NBEA: variants seen among roughly 807,000 people sequenced by gnomAD.
NBEA encodes neurobeachin, also known as lysosomal-trafficking regulator 2.
NBEA carries 44 observed loss-of-function variants against 343.4 expected under a neutral mutation model. That is an observed-to-expected ratio of 0.13 (90% CI 0.10 to 0.16). The LOEUF (loss-of-function observed/expected upper bound fraction) is 0.16. NBEA is among the 10% of genes least tolerant of loss of function. NBEA has a pLI of 1.00. For missense variants in NBEA, 2,555 were observed against 3,631.3 expected (o/e 0.70, Z 7.62); for synonymous variants, 1,175 against 1,238.7 (o/e 0.95, Z 1.08).
At chr13:35,252,928 AT>A (rs1238958567) in intron 34 of NBEA, among the ~76,000 whole-genome samples, 1 of 152,126 alleles carries the variant, frequency 6.6e-6, no homozygotes, top group Non-Finnish European at 1.5e-5. Context: ...CATTGAAGAC[AT>A]CCTCTCTACT....
intron 40 of NBEA, among the ~76,000 whole-genome samples, chr13:35,457,766 G>A (rs1435859774): frequency 6.6e-6 from 1 of 152,018 alleles, no homozygotes; most frequent in Non-Finnish European, 1.5e-5. Flanking sequence ...CCGCCACCAC[G>A]CCCAGCTAAT....
intron 1 of NBEA, among the ~76,000 whole-genome samples, chr13:34,974,478 C>G (rs1283490304): frequency 6.6e-6 from 1 of 152,108 alleles, no homozygotes; most frequent in Non-Finnish European, 1.5e-5. Flanking sequence ...CAAAGATGAA[C>G]ATTTAAAAGG....
rs149145176 is a variant in NBEA, at chr13:35,000,191, A to G, written c.295-40742A>G. On this transcript the variant is annotated intron_variant, in intron 1 of 58. Coordinates refer to ENST00000379939, the MANE Select transcript of NBEA (RefSeq NM_001385012.1). Reference sequence around the variant, plus strand: ...CTTTTTCATAGATCATTGCTGAAAGAATTATTAATGGATATACTCTAGCAA... The same window carrying G: ...CTTTTTCATAGATCATTGCTGAAAGGATTATTAATGGATATACTCTAGCAA... 6.0e-4 allele frequency among the ~76,000 whole-genome samples: 92 copies of G among 152,292 alleles called. 1 individual carries two copies. The East Asian group carries it at 0.017, about 28-fold the overall frequency.
chr13:35,015,505 T>G (rs143328319), intron 1 of NBEA, among the ~76,000 whole-genome samples: 2 of 152,188 alleles, frequency 1.3e-5, no homozygotes, highest in African/African-American at 4.8e-5. Context: ...ACAACTACTT[T>G]CCATTTTTTT....
intron 47 of NBEA, among the ~76,000 whole-genome samples, chr13:35,603,290 T>A (rs988430187): frequency 6.6e-6 from 1 of 152,204 alleles, no homozygotes; most frequent in African/African-American, 2.4e-5. Flanking sequence ...AGTATAGCAC[T>A]GAGAGCTACG....
chr13:35,400,328 T>C (rs183863025), intron 38 of NBEA, among the ~76,000 whole-genome samples: 421 of 151,914 alleles, frequency 2.8e-3, no homozygotes, highest in Non-Finnish European at 4.5e-3. Context: ...CCTTTCCTTA[T>C]CTATGAAATT....
At chr13:35,168,240 T>TA (rs1292564223) in intron 24 of NBEA, among the ~76,000 whole-genome samples, 2 of 151,678 alleles carry the variant, frequency 1.3e-5, no homozygotes, top group Non-Finnish European at 3.0e-5. Context: ...TACTCACATG[T>TA]ACTTGTCAAA....
intron 1 of NBEA, among the ~76,000 whole-genome samples, chr13:34,982,440 C>T (rs1379052962): frequency 2.0e-5 from 3 of 152,070 alleles, no homozygotes; most frequent in Admixed American, 2.0e-4. Context: ...GCTGGAATTA[C>T]AGGCATCTGC....
intron 36 of NBEA, among the ~76,000 whole-genome samples, chr13:35,314,443 C>A (rs954472210): frequency 1.5e-4 from 23 of 152,036 alleles, no homozygotes; most frequent in African/African-American, 5.6e-4. Flanking sequence ...TCACTGAGGA[C>A]CAACCCCTTC....
chr13:35,351,971 TAGAA>T (rs1375769606), intron 37 of NBEA, among the ~76,000 whole-genome samples, 182 bp from the exon 38 acceptor site: 1 of 152,094 alleles, frequency 6.6e-6, no homozygotes, highest in Admixed American at 6.6e-5. Flanking sequence ...ACATATACTT[TAGAA>T]AGAGCACATT....
intron 45 of NBEA, among the ~76,000 whole-genome samples, chr13:35,568,042 C>T (rs1374897057): frequency 6.6e-6 from 1 of 152,054 alleles, no homozygotes; most frequent in Non-Finnish European, 1.5e-5. Context: ...ATAATACTGT[C>T]CCATGTCAAA....
chr13:35,168,588 C>G (rs1172629021), intron 24 of NBEA, among the ~76,000 whole-genome samples: 1 of 151,448 alleles, frequency 6.6e-6, no homozygotes, highest in Non-Finnish European at 1.5e-5. Flanking sequence ...TTCCCTGAGT[C>G]ATTTCTGCCT....
At chr13:35,030,447 A>G (rs1396483366) in intron 1 of NBEA, among the ~76,000 whole-genome samples, 1 of 151,564 alleles carries the variant, frequency 6.6e-6, no homozygotes. Context: ...TTTGTAGTCT[A>G]TATTAGGATC....
intron 41 of NBEA, among the ~76,000 whole-genome samples, chr13:35,539,301 C>A (rs1455777723): frequency 1.3e-5 from 2 of 152,012 alleles, no homozygotes; most frequent in African/African-American, 4.8e-5. Context: ...AGAAGTTAAT[C>A]AGAAGAACAA....
chr13:35,319,663 G>C (rs117857658), intron 36 of NBEA, among the ~76,000 whole-genome samples: 2 of 152,014 alleles, frequency 1.3e-5, no homozygotes, highest in Non-Finnish European at 2.9e-5. Flanking sequence ...ATTTTCTCTC[G>C]TTGATATGTC....
intron 53 of NBEA, among the ~76,000 whole-genome samples, chr13:35,652,134 T>G (rs1164779876): frequency 1.3e-5 from 2 of 152,138 alleles, no homozygotes; most frequent in Non-Finnish European, 2.9e-5. Flanking sequence ...AACTGTATTT[T>G]CTTTCAGCCT....
At position 35,590,239 on chromosome 13, in the gene NBEA, A is replaced by C. The variant is rs545861206; in HGVS notation, c.7177-3089A>C. 6.6e-5 allele frequency among the ~76,000 whole-genome samples: 10 copies of C among 152,244 alleles called. No homozygotes were observed. In the South Asian group the frequency reaches 1.4e-3, roughly 22 times the overall value. On this transcript the variant is annotated intron_variant, in intron 46 of 58. Coordinates refer to ENST00000379939, the MANE Select transcript of NBEA (RefSeq NM_001385012.1). ...ACATGGAAAAAGCAATCTCCACAGT[A>C]ATCAGAGCTTGAAAGATCAATACTT...
At chr13:35,261,557 G>A (rs1365400557) in intron 34 of NBEA, among the ~76,000 whole-genome samples, 3 of 151,652 alleles carry the variant, frequency 2.0e-5, no homozygotes, top group African/African-American at 7.3e-5. Flanking sequence ...AAGTGAATTG[G>A]ACAATGTAAA....
intron 24 of NBEA, among the ~76,000 whole-genome samples, chr13:35,165,689 CTTT>C (rs577851529): frequency 3.7e-5 from 5 of 134,850 alleles, no homozygotes; most frequent in Non-Finnish European, 3.1e-5. Flanking sequence ...CTTTTCTTTT[CTTT>C]TTTTTTTTTT....
Sources: gnomAD v4.1 joint callset for allele counts (sites outside exome capture counted in the v4.1 genomes callset) on GRCh38, gnomAD v4.1.1 for gene constraint, MANE v1.5 for transcripts, NCBI Gene and HGNC (gene_info 2026-07-23, HGNC 2026-07-21) for gene names.